Variants in DOCK2 observed in about 807,000 individuals in gnomAD.
DOCK2 encodes dedicator of cytokinesis 2, also known as dedicator of cytokinesis protein 2.
A neutral mutation model predicts 248.9 loss-of-function variants in DOCK2; 87 were observed. That is an observed-to-expected ratio of 0.35 (90% CI 0.29 to 0.42). DOCK2 has a LOEUF of 0.42. Among genes scored for constraint, DOCK2 ranks in the 10% least tolerant of loss-of-function variants. DOCK2 has a pLI of 1.00. For synonymous variants in DOCK2, 805 were observed against 821.6 expected (o/e 0.98, Z 0.35); for missense variants, 1,747 against 2,300.2 (o/e 0.76, Z 4.92).
chr5:169,788,957 C>T (rs1162214684), intron 25 of DOCK2, among the ~76,000 whole-genome samples: 1 of 151,904 alleles, frequency 6.6e-6, no homozygotes, highest in Non-Finnish European at 1.5e-5. Context: ...AGCCTAATAC[C>T]CATTAGCTAT....
rs566024016 is a variant in DOCK2, at chr5:169,958,266, C to T, written c.2800-24802C>T. 5.9e-5 allele frequency among the ~76,000 whole-genome samples: 9 copies of T among 152,092 alleles called. No individual in the cohort carries two copies. In the South Asian group the frequency reaches 1.7e-3, roughly 28 times the overall value. ...CACCTACCCCATTTATACTTTACTG[C>T]ACTGTTATTAATAAGAAGCTTATGA... On this transcript the variant is annotated intron_variant, in intron 27 of 51. Coordinates refer to ENST00000520908, the MANE Select transcript of DOCK2 (RefSeq NM_004946.3).
intron 26 of DOCK2, among the ~76,000 whole-genome samples, chr5:169,833,422 C>A (rs1216291606): frequency 6.6e-6 from 1 of 152,136 alleles, no homozygotes; most frequent in Non-Finnish European, 1.5e-5. Flanking sequence ...CATGACATAG[C>A]AGACCTGAGA....
At chr5:169,785,717 G>A (rs1326669488) in intron 25 of DOCK2, among the ~76,000 whole-genome samples, 1 of 152,180 alleles carries the variant, frequency 6.6e-6, no homozygotes, top group Non-Finnish European at 1.5e-5. Flanking sequence ...GAGCTCTGAA[G>A]ACCCATTATG....
At chr5:169,904,504 G>A (rs1441889915) in intron 27 of DOCK2, among the ~76,000 whole-genome samples, 1 of 152,124 alleles carries the variant, frequency 6.6e-6, no homozygotes, top group Non-Finnish European at 1.5e-5. Context: ...ACAGGCAGGG[G>A]AGGGCCTGAG....
At chr5:170,042,600 C>T (rs1247747098) in intron 38 of DOCK2, among the ~76,000 whole-genome samples, 1 of 152,176 alleles carries the variant, frequency 6.6e-6, no homozygotes, top group Non-Finnish European at 1.5e-5. Context: ...AAGCTCTTTT[C>T]AAACTCAGGG....
rs1458050120 is a variant in DOCK2 at position 169,883,405 on chromosome 5, T to C, written c.2799+42553T>C. ...CCTTGGGAGGAATGCATGGGACACC[T>C]TGACCCTTCGAGGCCCATCCTCAAG... On this transcript the variant is annotated intron_variant, in intron 27 of 51. Transcript: ENST00000520908. 5 of 1,551,706 alleles carry C rather than the reference T, an allele frequency of 3.2e-6. No individual in the cohort carries two copies. The South Asian group carries it at 5.9e-5, about 18-fold the overall frequency.
chr5:169,714,590 G>T lies in DOCK2; in HGVS notation c.1941+133G>T, dbSNP rs188911419. 1.6e-3 allele frequency: 1,424 copies of T among 894,672 alleles called. 6 individuals carry two copies. The highest frequency in any genetic ancestry group is 1.2e-3 in the Non-Finnish European group (712 of 597,156). 55.4% of individuals were successfully genotyped at this position (894,672 alleles called of 1,614,324 possible). A position where few individuals can be genotyped will look rare whatever the true frequency, so the allele number is the denominator to read the frequency against. On this transcript the variant is annotated intron_variant, in intron 19 of 51. Coordinates refer to ENST00000520908, the MANE Select transcript of DOCK2 (RefSeq NM_004946.3). ...TTCCAACAGTAGGATACACTCTCCC[G>T]AGTTGCCTTGAGGAATCTTTATTGG...
Position 170,042,003 on chromosome 5 carries a change from C to T in DOCK2, c.3757-10C>T. 1 of 1,612,734 alleles carries T rather than the reference C, an allele frequency of 6.2e-7. No individual in the cohort carries two copies. On this transcript the variant is annotated splice_polypyrimidine_tract_variant and intron_variant, in intron 37 of 51. Transcript: ENST00000520908. ...GGCCCTGTGTGACTTCCTGTGTCTTCTCTTCACAGTGGTCGGATGAGCAGT... is the reference window on the plus strand; with the variant it reads ...GGCCCTGTGTGACTTCCTGTGTCTTTTCTTCACAGTGGTCGGATGAGCAGT...
At chr5:169,745,527 G>C (rs1763564322) in intron 22 of DOCK2, among the ~76,000 whole-genome samples, 1 of 152,222 alleles carries the variant, frequency 6.6e-6, no homozygotes, top group African/African-American at 2.4e-5. Context: ...GTAAAGTGTA[G>C]AGCAAAGCAG....
At chr5:169,782,734 G>T (rs558607140) in intron 25 of DOCK2, among the ~76,000 whole-genome samples, 2 of 152,196 alleles carry the variant, frequency 1.3e-5, no homozygotes, top group South Asian at 2.1e-4. Context: ...GCCTAGAGGG[G>T]ATTTCATCCA....
rs577232657 is a variant in DOCK2, at chr5:169,726,193, G to A, written c.2267+7402G>A. Among the ~76,000 whole-genome samples, 7 of 151,946 alleles carry A rather than the reference G, an allele frequency of 4.6e-5. No individual in the cohort carries two copies. The South Asian group carries it at 1.0e-3, about 23-fold the overall frequency. On this transcript the variant is annotated intron_variant, in intron 22 of 51. Transcript: ENST00000520908. ...GTTGTTTCCTGACTTTTTAATGATC[G>A]CCATTCTAACTGGTGTGAGATGGTA... is the stretch of plus-strand genomic sequence containing the variant.
intron 27 of DOCK2, among the ~76,000 whole-genome samples, chr5:169,894,585 T>C (rs1385368289): frequency 6.6e-6 from 1 of 152,176 alleles, no homozygotes; most frequent in Non-Finnish European, 1.5e-5. Context: ...TATGGTCTGA[T>C]CTAATCACAG....
intron 27 of DOCK2, among the ~76,000 whole-genome samples, chr5:169,974,100 GC>G (rs1384427625): frequency 6.6e-6 from 1 of 152,114 alleles, no homozygotes; most frequent in East Asian, 1.9e-4. Context: ...AAAAATGATA[GC>G]CTCCTTTTTT....
intron 14 of DOCK2, among the ~76,000 whole-genome samples, chr5:169,703,396 A>C (rs1226652350): frequency 6.6e-6 from 1 of 152,178 alleles, no homozygotes; most frequent in Non-Finnish European, 1.5e-5. Context: ...GCCCCATTTT[A>C]CAGATAGGGA....
chr5:169,881,008 C>A (rs1188865282), intron 27 of DOCK2, among the ~76,000 whole-genome samples: 1 of 152,170 alleles, frequency 6.6e-6, no homozygotes, highest in East Asian at 1.9e-4. Context: ...TTTGAAAAAT[C>A]TGGATGTGAG....
At chr5:169,679,187 G>A (rs1027804784) in intron 6 of DOCK2, among the ~76,000 whole-genome samples, 2 of 152,098 alleles carry the variant, frequency 1.3e-5, no homozygotes, top group Admixed American at 6.5e-5. Flanking sequence ...CTACAGGTGC[G>A]TGCCACCATG....
chr5:169,917,598 A>T (rs1338695839), intron 27 of DOCK2, among the ~76,000 whole-genome samples: 1 of 152,216 alleles, frequency 6.6e-6, no homozygotes, highest in African/African-American at 2.4e-5. Context: ...TGATTTTCTA[A>T]TCGATTGCTT....
chr5:170,051,670 C>T (rs963541059), intron 41 of DOCK2, among the ~76,000 whole-genome samples: 3 of 152,280 alleles, frequency 2.0e-5, no homozygotes, highest in African/African-American at 4.8e-5. Flanking sequence ...GCTAGAATGT[C>T]GGCTCCACGA....
intron 33 of DOCK2, among the ~76,000 whole-genome samples, chr5:170,023,640 C>T (rs939641956): frequency 5.3e-5 from 8 of 152,154 alleles, no homozygotes; most frequent in African/African-American, 1.2e-4. Context: ...ATTAGAAAGC[C>T]GCGCTGACTT....
Sources: gnomAD v4.1 joint callset for allele counts (sites outside exome capture counted in the v4.1 genomes callset) on GRCh38, gnomAD v4.1.1 for gene constraint, MANE v1.5 for transcripts, NCBI Gene and HGNC (gene_info 2026-07-23, HGNC 2026-07-21) for gene names.